SLC10A7: variants seen among roughly 807,000 people sequenced by gnomAD.
The protein encoded by SLC10A7 is solute carrier family 10 member 7.
In SLC10A7, 29 loss-of-function variants were observed where a neutral mutation model predicts 43.2. The observed-to-expected ratio is 0.67, with a 90% CI of 0.50 to 0.92. The LOEUF is 0.92. SLC10A7 is among the 40% of genes least tolerant of loss of function. The pLI, the probability that SLC10A7 is intolerant of heterozygous loss-of-function variation, is 0.00. For missense variants in SLC10A7, 295 were observed against 403.2 expected, an observed-to-expected ratio of 0.73 and a Z score of 2.30; for synonymous variants, 152 against 144.8, an observed-to-expected ratio of 1.05 and a Z score of -0.35.
intron 5 of SLC10A7, among the ~76,000 whole-genome samples, chr4:146,421,735 A>T (rs1728979502): frequency 6.6e-6 from 1 of 152,200 alleles, no homozygotes; most frequent in Non-Finnish European, 1.5e-5. Context: ...TTATACACAG[A>T]GAGATATAAC....
At chr4:146,491,376 G>C (rs964910259) in intron 4 of SLC10A7, among the ~76,000 whole-genome samples, 3 of 152,146 alleles carry the variant, frequency 2.0e-5, no homozygotes, top group African/African-American at 7.2e-5. Context: ...GAGAATCAAA[G>C]GAGCTGACTC....
At chr4:146,466,035 G>C (rs1022716655) in intron 4 of SLC10A7, among the ~76,000 whole-genome samples, 1 of 152,026 alleles carries the variant, frequency 6.6e-6, no homozygotes, top group African/African-American at 2.4e-5. Context: ...AGAAGTTTAT[G>C]TGTTTTAGAA....
chr4:146,403,231 T>C (rs1012816080), intron 5 of SLC10A7, among the ~76,000 whole-genome samples: 19 of 152,200 alleles, frequency 1.2e-4, no homozygotes, highest in African/African-American at 4.3e-4. Context: ...GTTGTAGTAA[T>C]TCTGAAAACG....
intron 10 of SLC10A7, among the ~76,000 whole-genome samples, chr4:146,263,020 A>T (rs756360795): frequency 6.6e-6 from 1 of 152,222 alleles, no homozygotes; most frequent in Non-Finnish European, 1.5e-5. Context: ...TCCAGCCATG[A>T]TGGGCACCTT....
chr4:146,357,435 A>G (rs1336684111), intron 5 of SLC10A7, among the ~76,000 whole-genome samples: 7 of 152,204 alleles, frequency 4.6e-5, no homozygotes. Context: ...TGCAGCACTT[A>G]ATACTACAGA....
intron 4 of SLC10A7, among the ~76,000 whole-genome samples, chr4:146,492,092 C>T (rs988347092): frequency 6.6e-5 from 10 of 151,744 alleles, no homozygotes; most frequent in African/African-American, 2.2e-4. Context: ...TGGTGGCGGG[C>T]GCCTGTAGTC....
At chr4:146,296,700 A>G (rs961459671) in intron 7 of SLC10A7, among the ~76,000 whole-genome samples, 2 of 152,202 alleles carry the variant, frequency 1.3e-5, no homozygotes, top group Admixed American at 1.3e-4. Context: ...ATATCTTGCC[A>G]GGTTGCATAG....
chr4:146,359,014 G>A (rs1046843782), intron 5 of SLC10A7, among the ~76,000 whole-genome samples: 5 of 152,106 alleles, frequency 3.3e-5, no homozygotes, highest in Non-Finnish European at 7.4e-5. Context: ...TAGAATTCCA[G>A]TTACTAGACA....
At chr4:146,268,594 C>T (rs1024799994) in intron 10 of SLC10A7, among the ~76,000 whole-genome samples, 5 of 152,158 alleles carry the variant, frequency 3.3e-5, no homozygotes, top group Admixed American at 2.0e-4. Context: ...ACAGCGTTTA[C>T]TATATGCCAG....
chr4:146,435,465 T>C (rs1336787352), intron 5 of SLC10A7, among the ~76,000 whole-genome samples: 2 of 152,190 alleles, frequency 1.3e-5, no homozygotes, highest in East Asian at 3.8e-4. Flanking sequence ...TATTTAACAT[T>C]ATTTACTCCA....
intron 5 of SLC10A7, among the ~76,000 whole-genome samples, chr4:146,432,737 T>C (rs1394327125): frequency 6.6e-6 from 1 of 152,138 alleles, no homozygotes; most frequent in Non-Finnish European, 1.5e-5. Flanking sequence ...GATTTTTCTG[T>C]ATAGAAATTA....
chr4:146,463,039 C>A (rs1186897909), intron 4 of SLC10A7, among the ~76,000 whole-genome samples: 1 of 152,090 alleles, frequency 6.6e-6, no homozygotes, highest in East Asian at 1.9e-4. Flanking sequence ...GGTTAGAGAT[C>A]CAGTTAAATA....
rs540719969 is a variant in SLC10A7, at chr4:146,366,413, T to C, written c.436-40417A>G. 7.9e-5 allele frequency among the ~76,000 whole-genome samples: 12 copies of C among 152,330 alleles called. No individual in the cohort carries two copies. In the East Asian group the frequency reaches 1.9e-3, roughly 24 times the overall value. On this transcript the variant is annotated intron_variant, in intron 5 of 11. Coordinates refer to ENST00000335472, the MANE Select transcript of SLC10A7 (RefSeq NM_001029998.6). ...GCCTTATGTCATTTCAGGTCAGATATTGCCCTGACCCAAACACTTGCAGTT... is the reference window on the plus strand; with the variant it reads ...GCCTTATGTCATTTCAGGTCAGATACTGCCCTGACCCAAACACTTGCAGTT...
intron 5 of SLC10A7, among the ~76,000 whole-genome samples, chr4:146,363,600 T>C (rs1736199935): frequency 6.6e-6 from 1 of 152,156 alleles, no homozygotes; most frequent in African/African-American, 2.4e-5. Context: ...GACCATGTGG[T>C]AGGCCACAAA....
At chr4:146,297,463 A>G (rs966581925) in intron 7 of SLC10A7, among the ~76,000 whole-genome samples, 1 of 152,194 alleles carries the variant, frequency 6.6e-6, no homozygotes, top group Non-Finnish European at 1.5e-5. Context: ...GATATAAAGT[A>G]TAACACCCAT....
intron 5 of SLC10A7, among the ~76,000 whole-genome samples, chr4:146,429,032 GA>G (rs1222247400): frequency 6.6e-6 from 1 of 151,730 alleles, no homozygotes; most frequent in Non-Finnish European, 1.5e-5. Flanking sequence ...TTCTTTAGTA[GA>G]AAAAAAATCT....
intron 4 of SLC10A7, among the ~76,000 whole-genome samples, chr4:146,479,190 C>T (rs73852869): frequency 0.019 from 2,932 of 152,132 alleles, 98 homozygotes; most frequent in African/African-American, 0.067. Context: ...AGAAAACTCA[C>T]CAGATTGCCA....
chr4:146,416,238 G>A (rs1444227405), intron 5 of SLC10A7, among the ~76,000 whole-genome samples: 1 of 146,484 alleles, frequency 6.8e-6, no homozygotes, highest in African/African-American at 2.6e-5. Flanking sequence ...AGGGTTAGAA[G>A]TCAGCATGGT....
intron 4 of SLC10A7, among the ~76,000 whole-genome samples, chr4:146,456,459 C>T (rs1205262949): frequency 3.9e-5 from 6 of 151,924 alleles, no homozygotes; most frequent in Non-Finnish European, 8.8e-5. Context: ...AGTTGCACTT[C>T]AAGGGTCCAC....
Sources: allele counts gnomAD v4.1 joint callset (sites outside exome capture counted in the v4.1 genomes callset), GRCh38; gene constraint gnomAD v4.1.1; transcripts MANE v1.5; gene names NCBI Gene and HGNC (gene_info 2026-07-23, HGNC 2026-07-21).